NXPH1: variants seen among roughly 807,000 people sequenced by gnomAD.
NXPH1 encodes neurexophilin-1.
Under a neutral mutation model 23.7 loss-of-function variants are expected in NXPH1, and 5 were observed. The observed-to-expected ratio is 0.21, with a 90% CI of 0.11 to 0.44. The LOEUF (loss-of-function observed/expected upper bound fraction) is 0.44. Among genes scored for constraint, NXPH1 ranks in the 20% least tolerant of loss-of-function variants. The probability of loss-of-function intolerance (pLI) is 0.99; values close to 1 mark genes in which losing one functional copy is unlikely to be tolerated. For synonymous variants in NXPH1, 144 were observed against 122.2 expected (o/e 1.18, Z -1.18); for missense variants, 324 against 321.6 (o/e 1.01, Z -0.06).
At chr7:8,565,722 A>G (rs922941430) in intron 2 of NXPH1, among the ~76,000 whole-genome samples, 7 of 151,766 alleles carry the variant, frequency 4.6e-5, no homozygotes, top group Non-Finnish European at 8.8e-5. Flanking sequence ...AGGTGCCCTC[A>G]CAACATATTT....
chr7:8,624,620 C>T (rs1182101516), intron 2 of NXPH1, among the ~76,000 whole-genome samples: 3 of 151,884 alleles, frequency 2.0e-5, no homozygotes, highest in African/African-American at 7.3e-5. Flanking sequence ...GGTGAACACA[C>T]CATGCATCTT....
At chr7:8,644,562 C>G (rs1820365597) in intron 2 of NXPH1, among the ~76,000 whole-genome samples, 1 of 151,264 alleles carries the variant, frequency 6.6e-6, no homozygotes. Flanking sequence ...TTGTTGAATT[C>G]TTATTTTAGA....
At chr7:8,610,928 G>T (rs1213439513) in intron 2 of NXPH1, among the ~76,000 whole-genome samples, 1 of 151,994 alleles carries the variant, frequency 6.6e-6, no homozygotes, top group Non-Finnish European at 1.5e-5. Context: ...TGCTGGGAGG[G>T]TATCACCAAT....
intron 2 of NXPH1, among the ~76,000 whole-genome samples, chr7:8,691,019 C>G (rs971133960): frequency 2.0e-5 from 3 of 152,190 alleles, no homozygotes; most frequent in African/African-American, 7.2e-5. Flanking sequence ...TTGGTAGATT[C>G]ACTTGACTGT....
At chr7:8,738,781 C>G (rs1352310147) in intron 2 of NXPH1, among the ~76,000 whole-genome samples, 1 of 152,118 alleles carries the variant, frequency 6.6e-6, no homozygotes, top group African/African-American at 2.4e-5. Flanking sequence ...TCTATAAGCC[C>G]CTGACTGGGG....
intron 2 of NXPH1, among the ~76,000 whole-genome samples, chr7:8,464,158 G>T (rs1450395894): frequency 6.6e-6 from 1 of 151,834 alleles, no homozygotes; most frequent in Non-Finnish European, 1.5e-5. Flanking sequence ...CTGCCAAATT[G>T]TATCAGTTCC....
At chr7:8,690,910 G>C (rs893056343) in intron 2 of NXPH1, among the ~76,000 whole-genome samples, 1 of 152,082 alleles carries the variant, frequency 6.6e-6, no homozygotes, top group Non-Finnish European at 1.5e-5. Context: ...TTGTTCATAG[G>C]ATCTTGCACT....
At chr7:8,481,376 G>T (rs182688912) in intron 2 of NXPH1, among the ~76,000 whole-genome samples, 5 of 152,204 alleles carry the variant, frequency 3.3e-5, no homozygotes, top group Non-Finnish European at 7.4e-5. Flanking sequence ...GAAAAATCTT[G>T]GGAAAGAAAA....
At chr7:8,648,348 A>G (rs1223646822) in intron 2 of NXPH1, among the ~76,000 whole-genome samples, 1 of 151,470 alleles carries the variant, frequency 6.6e-6, no homozygotes, top group Non-Finnish European at 1.5e-5. Context: ...CCATCCTTCT[A>G]CTCTCTACGT....
At chr7:8,670,499 AG>A (rs1176881768) in intron 2 of NXPH1, among the ~76,000 whole-genome samples, 2 of 152,326 alleles carry the variant, frequency 1.3e-5, no homozygotes, top group East Asian at 3.9e-4. Context: ...ATCCAAGCAA[AG>A]CTTCTCATGT....
At chr7:8,662,493 A>G (rs1820693270) in intron 2 of NXPH1, among the ~76,000 whole-genome samples, 1 of 152,110 alleles carries the variant, frequency 6.6e-6, no homozygotes. Flanking sequence ...AATTTCAAGC[A>G]TAGTTATGAT....
intron 2 of NXPH1, among the ~76,000 whole-genome samples, chr7:8,497,294 T>C (rs9720049): frequency 0.8 from 121,258 of 152,140 alleles, 49,091 homozygotes; most frequent in East Asian, 0.96. Context: ...CAAGTCTTTG[T>C]TATTGTGAAT....
chr7:8,648,555 C>T (rs962827103), intron 2 of NXPH1, among the ~76,000 whole-genome samples: 7 of 152,188 alleles, frequency 4.6e-5, no homozygotes, highest in African/African-American at 1.7e-4. Context: ...TTTCTTTATT[C>T]ATTCATCTGT....
At chr7:8,653,117 C>CT (rs1048270145) in intron 2 of NXPH1, among the ~76,000 whole-genome samples, 28 of 150,552 alleles carry the variant, frequency 1.9e-4, no homozygotes, top group Admixed American at 4.0e-4. Context: ...ACATTCTCTG[C>CT]TTTTTTTTTC....
At chr7:8,645,428 T>G (rs1820381848) in intron 2 of NXPH1, among the ~76,000 whole-genome samples, 1 of 152,106 alleles carries the variant, frequency 6.6e-6, no homozygotes, top group Non-Finnish European at 1.5e-5. Context: ...TGAACATCCT[T>G]TCATATGTTT....
chr7:8,648,417 T>TCA (rs1820430394), intron 2 of NXPH1, among the ~76,000 whole-genome samples: 1 of 151,834 alleles, frequency 6.6e-6, no homozygotes, highest in Non-Finnish European at 1.5e-5. Context: ...TATGTGATGT[T>TCA]TGTTTTTCTG....
At position 8,435,706 on chromosome 7, in the gene NXPH1, G is replaced by A. The variant is rs776001462; in HGVS notation, c.-8G>A. 6.2e-7 allele frequency: 1 copy of A among 1,613,788 alleles called. No homozygotes were observed. The highest frequency in any genetic ancestry group is 1.3e-5 in the African/African-American group (1 of 74,912). On this transcript the variant is annotated 5_prime_UTR_variant, in exon 2 of 3. Coordinates refer to ENST00000405863, the MANE Select transcript of NXPH1 (RefSeq NM_152745.3). The surrounding 1 kb of genome is among the most constrained non-coding windows in gnomAD (Gnocchi z 5.9). Reference sequence around the variant, plus strand: ...AGGCACCGCCAAGGAAGTTTGAGACGCGGGAGAATGCAGGCTGCGTGCTGG... The same window carrying A: ...AGGCACCGCCAAGGAAGTTTGAGACACGGGAGAATGCAGGCTGCGTGCTGG...
chr7:8,567,671 A>G (rs1818568669), intron 2 of NXPH1, among the ~76,000 whole-genome samples: 1 of 151,924 alleles, frequency 6.6e-6, no homozygotes, highest in African/African-American at 2.4e-5. Flanking sequence ...CTTTTTGAGT[A>G]TTCAATGCCA....
chr7:8,447,751 C>G (rs939243097), intron 2 of NXPH1, among the ~76,000 whole-genome samples: 1 of 152,194 alleles, frequency 6.6e-6, no homozygotes, highest in Non-Finnish European at 1.5e-5. Flanking sequence ...ATTAGGGTGA[C>G]TAACATTAAT....
Sources: allele counts gnomAD v4.1 joint callset (sites outside exome capture counted in the v4.1 genomes callset), GRCh38; gene constraint gnomAD v4.1.1; non-coding constraint Gnocchi (gnomAD v3.1); transcripts MANE v1.5; gene names NCBI Gene and HGNC (gene_info 2026-07-23, HGNC 2026-07-21).